Variants in CEP128 observed in about 807,000 individuals in gnomAD.
CEP128 encodes centrosomal protein 128kDa.
CEP128 carries 132 observed loss-of-function variants against 156.7 expected under a neutral mutation model. The ratio of observed to expected loss-of-function variants is 0.84; its 90% CI spans 0.73 to 0.97. The LOEUF is 0.97. Ranked by LOEUF, CEP128 falls within the 50% of genes least tolerant of loss-of-function variation. The pLI, the probability that CEP128 is intolerant of heterozygous loss-of-function variation, is 0.00. For synonymous variants in CEP128, 469 were observed against 448.9 expected (o/e 1.04, Z -0.57); for missense variants, 1,252 against 1,281.9 (o/e 0.98, Z 0.36).
Position 80,761,597 on chromosome 14 carries a change from A to C in CEP128, c.2393T>G (p.Ile798Ser). The C allele has an allele frequency of 6.3e-7, 1 of 1,596,778 alleles. No individual in the cohort carries two copies. Among genetic ancestry groups the C allele is most frequent in the Non-Finnish European group, 8.5e-7 (1 of 1,170,406 alleles). The change falls in exon 17 of 25, where the codon ATT (isoleucine) becomes AGT (serine). Residue 798 changes from isoleucine (I) to serine (S), a missense_variant. Coordinates refer to ENST00000555265, the MANE Select transcript of CEP128 (RefSeq NM_152446.5). ...CATCCTCCTTAAGTGCTCCTCTTCA[A>C]TGCTTATATGTTTTTCCTAAGGCAT... ...QLEEREKHISIEEEHLRRMEE... is the reference protein window; with the variant it reads ...QLEEREKHISSEEEHLRRMEE...
chr14:80,948,543 G>A (rs1886394946), intron 2 of CEP128, among the ~76,000 whole-genome samples: 2 of 152,176 alleles, frequency 1.3e-5, no homozygotes, highest in Non-Finnish European at 2.9e-5. Flanking sequence ...AGGGGCTAGT[G>A]GAATGCTCCA....
chr14:80,749,313 G>A (rs1358082589), intron 18 of CEP128, among the ~76,000 whole-genome samples: 1 of 152,188 alleles, frequency 6.6e-6, no homozygotes, highest in Admixed American at 6.6e-5. Context: ...AATCAGGATA[G>A]CGATGTCTGC....
chr14:80,932,656 G>C (rs1416038895), intron 2 of CEP128, among the ~76,000 whole-genome samples: 2 of 151,986 alleles, frequency 1.3e-5, no homozygotes, highest in Non-Finnish European at 2.9e-5. Flanking sequence ...TCTAGTTGCA[G>C]GAAAAAAAAG....
chr14:80,620,093 C>A (rs1453885429), intron 19 of CEP128, among the ~76,000 whole-genome samples: 1 of 152,006 alleles, frequency 6.6e-6, no homozygotes, highest in Admixed American at 6.6e-5. Context: ...CCATTGCACT[C>A]CAGCCTGGAT....
chr14:80,697,163 T>TA (rs1041208279), intron 19 of CEP128, among the ~76,000 whole-genome samples: 1 of 151,168 alleles, frequency 6.6e-6, no homozygotes, highest in Non-Finnish European at 1.5e-5. Flanking sequence ...TTTAAGAAAT[T>TA]AAAAAAAAAG....
intron 9 of CEP128, among the ~76,000 whole-genome samples, chr14:80,851,706 ATAAAATGAC>A (rs1430468140): frequency 6.6e-6 from 1 of 152,120 alleles, no homozygotes; most frequent in Non-Finnish European, 1.5e-5. Context: ...CGCAGTAAGT[ATAAAATGAC>A]TAATGCAACC....
At chr14:80,720,409 T>C (rs986304051) in intron 19 of CEP128, among the ~76,000 whole-genome samples, 3 of 152,140 alleles carry the variant, frequency 2.0e-5, no homozygotes, top group Admixed American at 6.6e-5. Flanking sequence ...AGGGCCATGA[T>C]TAAATGTGGA....
intron 2 of CEP128, among the ~76,000 whole-genome samples, chr14:80,928,342 T>A (rs1381234030): frequency 1.4e-4 from 22 of 152,106 alleles, no homozygotes; most frequent in Admixed American, 1.4e-3. Context: ...ATTATTAAAT[T>A]ATTCAAGGAG....
chr14:80,576,143 AAAC>A (rs1344971720), intron 20 of CEP128, among the ~76,000 whole-genome samples: 1 of 152,140 alleles, frequency 6.6e-6, no homozygotes, highest in Non-Finnish European at 1.5e-5. Flanking sequence ...TAAAAACACT[AAAC>A]AGCAGCAACA....
chr14:80,901,628 GA>G (rs1883565600), intron 6 of CEP128, among the ~76,000 whole-genome samples: 1 of 152,202 alleles, frequency 6.6e-6, no homozygotes, highest in Admixed American at 6.5e-5. Flanking sequence ...TTGCCATCAT[GA>G]TTTTCCAATT....
chr14:80,781,982 A>G (rs1901146708), intron 15 of CEP128, among the ~76,000 whole-genome samples: 1 of 152,156 alleles, frequency 6.6e-6, no homozygotes, highest in South Asian at 2.1e-4. Context: ...TTTCAACAAC[A>G]CTCTCAAGAA....
chr14:80,885,381 G>A (rs992428706), intron 8 of CEP128, among the ~76,000 whole-genome samples: 5 of 152,134 alleles, frequency 3.3e-5, no homozygotes, highest in South Asian at 4.1e-4. Context: ...GGAGAGCTCC[G>A]GCTGGCATCA....
At chr14:80,510,460 T>C (rs1009236647) in intron 23 of CEP128, among the ~76,000 whole-genome samples, 1 of 152,156 alleles carries the variant, frequency 6.6e-6, no homozygotes, top group Non-Finnish European at 1.5e-5. Context: ...TTTTTGTATG[T>C]AGGTTTTGTA....
intron 2 of CEP128, among the ~76,000 whole-genome samples, chr14:80,936,431 G>A (rs1408664166): frequency 6.6e-6 from 1 of 152,118 alleles, no homozygotes; most frequent in South Asian, 2.1e-4. Flanking sequence ...AAGGAGGGAA[G>A]GAGGGATGGG....
intron 9 of CEP128, among the ~76,000 whole-genome samples, chr14:80,859,934 T>G (rs959633773): frequency 6.6e-6 from 1 of 152,144 alleles, no homozygotes; most frequent in African/African-American, 2.4e-5. Context: ...CTTAATGTCT[T>G]AAGTTTTAAA....
At chr14:80,915,962 T>C (rs1256074913) in intron 3 of CEP128, among the ~76,000 whole-genome samples, 1 of 152,222 alleles carries the variant, frequency 6.6e-6, no homozygotes, top group Non-Finnish European at 1.5e-5. Context: ...TGAAGACTTT[T>C]AGATGGAGAG....
intron 18 of CEP128, among the ~76,000 whole-genome samples, chr14:80,750,259 A>G (rs548560469): frequency 4.1e-4 from 63 of 152,348 alleles, no homozygotes; most frequent in African/African-American, 1.5e-3. Flanking sequence ...AAAATGCAAC[A>G]CTTTTCCCCC....
downstream of CEP128, among the ~76,000 whole-genome samples, chr14:80,486,856 T>TA (rs1237054988): frequency 1.3e-5 from 2 of 152,050 alleles, no homozygotes; most frequent in African/African-American, 4.8e-5. Flanking sequence ...AGGCCTGCCC[T>TA]AAATAGCTCC....
chr14:80,758,403 T>A (rs768541425), intron 17 of CEP128, among the ~76,000 whole-genome samples: 5 of 151,352 alleles, frequency 3.3e-5, no homozygotes, highest in African/African-American at 7.3e-5. Context: ...ATGCCTGTAA[T>A]CCCAGCTACT....
Sources: allele counts gnomAD v4.1 joint callset (sites outside exome capture counted in the v4.1 genomes callset), GRCh38; gene constraint gnomAD v4.1.1; transcripts MANE v1.5; gene names NCBI Gene and HGNC (gene_info 2026-07-23, HGNC 2026-07-21).